CCDC144A: variants seen among roughly 807,000 people sequenced by gnomAD.
The protein encoded by CCDC144A is coiled-coil domain containing 144A.
In CCDC144A, 41 loss-of-function variants were observed where a neutral mutation model predicts 143.8. That is an observed-to-expected ratio of 0.29 (90% CI 0.22 to 0.37). The LOEUF (loss-of-function observed/expected upper bound fraction) is 0.37. Among genes scored for constraint, CCDC144A ranks in the 10% least tolerant of loss-of-function variants. The pLI is 1.00. For missense variants in CCDC144A, 637 were observed against 1,488.8 expected (o/e 0.43, Z 9.41); for synonymous variants, 242 against 517.9 (o/e 0.47, Z 7.23).
intron 9 of CCDC144A, among the ~76,000 whole-genome samples, chr17:16,729,563 C>A (rs1246402293): frequency 3.3e-5 from 5 of 152,088 alleles, no homozygotes; most frequent in Admixed American, 1.3e-4. Context: ...CTTTTCTTTT[C>A]TTTTCTTTTG....
At chr17:16,726,624 C>T (rs1308341616) in intron 8 of CCDC144A, among the ~76,000 whole-genome samples, 3 of 151,930 alleles carry the variant, frequency 2.0e-5, no homozygotes, top group Non-Finnish European at 2.9e-5. Context: ...CTCTTTTTGG[C>T]ACATCGTGAA....
chr17:16,725,292 G>C (rs186738085), intron 8 of CCDC144A, among the ~76,000 whole-genome samples: 160 of 151,934 alleles, frequency 1.1e-3, no homozygotes, highest in African/African-American at 3.6e-3. Context: ...TCATCAAGCT[G>C]TTTGATTTCC....
intron 12 of CCDC144A, among the ~76,000 whole-genome samples, chr17:16,740,018 C>T (rs1197994282): frequency 6.6e-6 from 1 of 151,872 alleles, no homozygotes; most frequent in African/African-American, 2.4e-5. Flanking sequence ...TCACCCAGTG[C>T]CTCTCTCTTC....
At chr17:16,667,347 AGCTGAGGG>A in the CCDC144A span, among the ~76,000 whole-genome samples, 2 of 119,726 alleles carry the variant, frequency 1.7e-5, no homozygotes, top group African/African-American at 6.7e-5. Context: ...GCGGCTGAGG[AGCTGAGGG>A]GCTGAGGCGG....
chr17:16,712,577 T>A (rs1912517031), intron 6 of CCDC144A, among the ~76,000 whole-genome samples: 1 of 152,022 alleles, frequency 6.6e-6, no homozygotes, highest in Non-Finnish European at 1.5e-5. Context: ...GGCTAATAGG[T>A]TAAATATATA....
rs1213561831 is a variant in CCDC144A, at chr17:16,776,727, C to G, written c.*3094C>G. The G allele has an allele frequency of 7.2e-5, 11 of 151,766 alleles. No individual in the cohort carries two copies. The highest frequency in any genetic ancestry group is 1.0e-4 in the Non-Finnish European group (7 of 67,962). 9.4% of individuals were successfully genotyped at this position (151,766 alleles called of 1,614,324 possible). A position where few individuals can be genotyped will look rare whatever the true frequency, so the allele number is the denominator to read the frequency against. On this transcript the variant is annotated 3_prime_UTR_variant, in exon 17 of 17. Transcript: ENST00000399273. Reference sequence around the variant, plus strand: ...TGCCTGATTGCCTTGGTGAGAATTTCTAATACTGTGTTGAATAGGAGTGGT... The same window carrying G: ...TGCCTGATTGCCTTGGTGAGAATTTGTAATACTGTGTTGAATAGGAGTGGT...
chr17:16,711,628 G>T (rs1912450633), intron 5 of CCDC144A, 51 bp from the exon 6 acceptor site: 1 of 1,608,686 alleles, frequency 6.2e-7, no homozygotes, highest in Non-Finnish European at 8.5e-7. Context: ...AAAGTTCTTT[G>T]TATTGAATAA....
chr17:16,771,577 A>G (rs1915824718), intron 15 of CCDC144A, among the ~76,000 whole-genome samples: 1 of 152,270 alleles, frequency 6.6e-6, no homozygotes, highest in South Asian at 2.1e-4. Flanking sequence ...AGTTCATTGT[A>G]AGGAACTATT....
chr17:16,696,615 CAGAGCAAGACTCTGTCTCA>C (rs1911424848), intron 2 of CCDC144A, among the ~76,000 whole-genome samples: 1 of 132,910 alleles, frequency 7.5e-6, no homozygotes, highest in African/African-American at 2.9e-5. Context: ...GCCTGGGTGA[CAGAGCAAGACTCTGTCTCA>C]AAAAAAAAAA....
At chr17:16,704,615 A>G (rs1213766201) in intron 2 of CCDC144A, among the ~76,000 whole-genome samples, 10 of 152,092 alleles carry the variant, frequency 6.6e-5, no homozygotes, top group Non-Finnish European at 1.5e-4. Context: ...GAACAGTTAG[A>G]GCCCTTACAG....
At chr17:16,751,466 A>G (rs2656430) in intron 12 of CCDC144A, among the ~76,000 whole-genome samples, 67 of 152,170 alleles carry the variant, frequency 4.4e-4, no homozygotes, top group African/African-American at 1.2e-3. Flanking sequence ...GCGTGTTGGC[A>G]GCAGTGCTCT....
chr17:16,755,053 C>T (rs1915012560), intron 12 of CCDC144A, among the ~76,000 whole-genome samples: 1 of 152,142 alleles, frequency 6.6e-6, no homozygotes, highest in Non-Finnish European at 1.5e-5. Context: ...AATATAGCTA[C>T]TCCTGTGTGC....
upstream of CCDC144A, among the ~76,000 whole-genome samples, chr17:16,688,064 T>A (rs551177159): frequency 5.1e-4 from 78 of 151,950 alleles, 2 homozygotes; most frequent in Admixed American, 3.7e-3. Flanking sequence ...GACTGTAATA[T>A]TTCTAATAAA....
intron 15 of CCDC144A, chr17:16,767,294 C>CAAAAAAAAAAA (rs765969718): frequency 1.0e-5 from 1 of 95,378 alleles, no homozygotes; most frequent in Non-Finnish European, 2.0e-5. Flanking sequence ...GACTCCATCT[C>CAAAAAAAAAAA]AAAAAAAAAA....
the CCDC144A span, among the ~76,000 whole-genome samples, chr17:16,678,489 C>G: frequency 6.6e-6 from 1 of 152,006 alleles, no homozygotes; most frequent in Non-Finnish European, 1.5e-5. Flanking sequence ...CCCGAAGCCC[C>G]ACCAAATGGA....
Position 16,725,360 on chromosome 17 carries a change from G to A in CCDC144A, c.1892-2167G>A, listed in dbSNP as rs370557108. Among the ~76,000 whole-genome samples the A allele has an allele frequency of 2.0e-5, 3 of 151,914 alleles. No homozygotes were observed. The South Asian group carries it at 6.2e-4, about 32-fold the overall frequency. ...TTCTGCTTTCTTCTCAGTTAGTCCA[G>A]TAATTTTTATGATTTATTTTTATCT... On this transcript the variant is annotated intron_variant, in intron 8 of 16. Transcript: ENST00000399273.
At chr17:16,720,893 C>G (rs1913055612) in intron 8 of CCDC144A, among the ~76,000 whole-genome samples, 1 of 152,066 alleles carries the variant, frequency 6.6e-6, no homozygotes, top group Non-Finnish European at 1.5e-5. Flanking sequence ...TTCCTTCCCC[C>G]AATGTCAGGT....
In CCDC144A at chr17:16,764,032, T is replaced by C. The variant is rs1432536854; in HGVS notation, c.3955T>C (p.Ser1319Pro). ...TVEKEQTRSR[S>P]LFTAYATRPV... ...GGAGAAAGAGCAGACCAGATCCAGA[T>C]CTCTATTCACTGCTTATGCTACAAG... Residue 1319 changes from serine to proline, a missense_variant, in exon 15 of 17, where the codon TCT becomes CCT. Transcript: ENST00000399273. 2.5e-6 allele frequency: 4 copies of C among 1,613,600 alleles called. No individual in the cohort carries two copies. The highest frequency in any genetic ancestry group is 3.4e-6 in the Non-Finnish European group (4 of 1,179,706).
intron 12 of CCDC144A, among the ~76,000 whole-genome samples, chr17:16,760,039 C>T (rs1915288813): frequency 1.3e-5 from 2 of 152,200 alleles, no homozygotes; most frequent in South Asian, 2.1e-4. Flanking sequence ...GAAGTCAGCT[C>T]GAACACCTAC....
Sources: gnomAD v4.1 joint callset for allele counts (sites outside exome capture counted in the v4.1 genomes callset) on GRCh38, gnomAD v4.1.1 for gene constraint, MANE v1.5 for transcripts, NCBI Gene and HGNC (gene_info 2026-07-23, HGNC 2026-07-21) for gene names.